ADAMTS3: variants seen among roughly 807,000 people sequenced by gnomAD.
ADAMTS3 encodes A disintegrin and metalloproteinase with thrombospondin motifs 3.
In ADAMTS3, 73 loss-of-function variants were observed where a neutral mutation model predicts 129.0. The observed-to-expected ratio is 0.57, with a 90% CI of 0.47 to 0.69. The LOEUF (loss-of-function observed/expected upper bound fraction) is 0.69, where lower values mean the gene tolerates loss of function less well. Ranked by LOEUF, ADAMTS3 falls within the 30% of genes least tolerant of loss-of-function variation. The pLI, the probability that ADAMTS3 is intolerant of heterozygous loss-of-function variation, is 0.00. For synonymous variants in ADAMTS3, 477 were observed against 510.8 expected, an observed-to-expected ratio of 0.93 and a Z score of 0.89; for missense variants, 1,457 against 1,514.5, an observed-to-expected ratio of 0.96 and a Z score of 0.63.
intron 18 of ADAMTS3, among the ~76,000 whole-genome samples, chr4:72,296,665 C>T (rs1291635030): frequency 6.6e-6 from 1 of 152,058 alleles, no homozygotes; most frequent in Non-Finnish European, 1.5e-5. Flanking sequence ...CTCCTAAATA[C>T]TTCAGCACAG....
chr4:72,564,529 T>C (rs1461471151), intron 2 of ADAMTS3, among the ~76,000 whole-genome samples: 10 of 152,224 alleles, frequency 6.6e-5, no homozygotes, highest in Non-Finnish European at 7.3e-5. Flanking sequence ...TATATGTATG[T>C]ATGGGTATAG....
chr4:72,466,355 T>A (rs374344888), intron 3 of ADAMTS3, among the ~76,000 whole-genome samples: 12 of 152,138 alleles, frequency 7.9e-5, no homozygotes, highest in African/African-American at 2.9e-4. Context: ...TATTCTTGAA[T>A]GGCAAGAAAG....
At position 72,548,794 on chromosome 4, in the gene ADAMTS3, G is replaced by A. The variant is rs145300703; in HGVS notation, c.188C>T (p.Ala63Val). 1.2e-5 allele frequency: 19 copies of A among 1,613,696 alleles called. No homozygotes were observed. The highest frequency in any genetic ancestry group is 8.0e-5 in the African/African-American group (6 of 74,878). Reference sequence around the variant, plus strand: ...CCTCGCTGACCTCTTTTTGTGACTCGCAGAAAGAGTATGGGAGAGATAGCG... The same window carrying A: ...CCTCGCTGACCTCTTTTTGTGACTCACAGAAAGAGTATGGGAGAGATAGCG... ...EGRYLSHTLS[A>V]SHKKRSARDV... Residue 63 changes from alanine (A) to valine (V), a missense_variant, in exon 3 of 22, where the codon GCG becomes GTG. By Grantham distance (64) the Ala-to-Val change is moderately conservative. Transcript: ENST00000286657.
chr4:72,316,045 G>T, intron 10 of ADAMTS3, 74 bp from the exon 11 acceptor site: 1 of 818,076 alleles, frequency 1.2e-6, no homozygotes, highest in Non-Finnish European at 1.9e-6. Context: ...ATTCTATACA[G>T]TTTCTTCTGT....
Position 72,283,000 on chromosome 4 carries a change from C to G in ADAMTS3, c.*136G>C. On this transcript the variant is annotated 3_prime_UTR_variant, in exon 22 of 22. Coordinates refer to ENST00000286657, the MANE Select transcript of ADAMTS3 (RefSeq NM_014243.3). ...AAAGCAACTAGAAAGTGAGCCAGCACTTTCTGTTCTTCCAATTACAGATAA... is the reference window on the plus strand; with the variant it reads ...AAAGCAACTAGAAAGTGAGCCAGCAGTTTCTGTTCTTCCAATTACAGATAA... The G allele has an allele frequency of 2.7e-6, 2 of 727,988 alleles. No individual in the cohort carries two copies. The highest frequency in any genetic ancestry group is 4.4e-6 in the Non-Finnish European group (2 of 453,584). 45.1% of individuals were successfully genotyped at this position (727,988 alleles called of 1,614,324 possible).
rs1487705199 is a variant in ADAMTS3, at chr4:72,548,743, A to G, written c.239T>C (p.Leu80Ser). 1.2e-6 allele frequency: 2 copies of G among 1,613,882 alleles called. No homozygotes were observed. The highest frequency in any genetic ancestry group is 1.7e-6 in the Non-Finnish European group (2 of 1,179,936). The change falls in exon 3 of 22, where the codon TTG becomes TCG. Residue 80 changes from leucine (L) to serine (S), a missense_variant. Coordinates refer to ENST00000286657, the MANE Select transcript of ADAMTS3 (RefSeq NM_014243.3). ...ARDVSSNPEQLFFNITAFGKD... is the reference protein window; with the variant it reads ...ARDVSSNPEQSFFNITAFGKD... ...TCCAAATGCCGTGATGTTAAAGAAC[A>G]ACTGCTCAGGGTTGGAAGACACGTC...
intron 5 of ADAMTS3, among the ~76,000 whole-genome samples, chr4:72,336,341 T>C (rs1056437383): frequency 6.6e-6 from 1 of 152,198 alleles, no homozygotes; most frequent in Non-Finnish European, 1.5e-5. Flanking sequence ...TGGTGAGCCA[T>C]AATTTTAGAT....
chr4:72,309,205 G>T (rs1346002723), intron 15 of ADAMTS3, among the ~76,000 whole-genome samples, 192 bp downstream of exon 15: 1 of 151,150 alleles, frequency 6.6e-6, no homozygotes, highest in Non-Finnish European at 1.5e-5. Flanking sequence ...ATTGACGCTA[G>T]GGAGTATGAA....
chr4:72,455,795 T>C (rs1315908021), intron 3 of ADAMTS3, among the ~76,000 whole-genome samples: 4 of 125,102 alleles, frequency 3.2e-5, no homozygotes, highest in African/African-American at 1.3e-4. Context: ...TATATATATA[T>C]ATATTTTGTG....
At chr4:72,530,751 AT>A (rs1193884773) in intron 3 of ADAMTS3, among the ~76,000 whole-genome samples, 5 of 32,012 alleles carry the variant, frequency 1.6e-4, no homozygotes, top group East Asian at 2.7e-3. Context: ...TATATTATAT[AT>A]TATATATTAT....
Position 72,304,035 on chromosome 4 carries a change from C to A in ADAMTS3, c.2306G>T (p.Gly769Val). The A allele has an allele frequency of 6.2e-7, 1 of 1,613,688 alleles. No individual in the cohort carries two copies. The highest frequency in any genetic ancestry group is 8.5e-7 in the Non-Finnish European group (1 of 1,179,708). ...ATGHYILNGK[G>V]EEAKSRTFID... ...GAAGGTCCGCGACTTGGCTTCCTCC[C>A]CTTTGCCATTTAAAATATAATGGCC... The change falls in exon 17 of 22, where the codon GGG becomes GTG. Residue 769 changes from glycine (G) to valine (V), a missense_variant. By Grantham distance (109) the Gly-to-Val change is moderately radical. Coordinates refer to ENST00000286657, the MANE Select transcript of ADAMTS3 (RefSeq NM_014243.3).
intron 16 of ADAMTS3, among the ~76,000 whole-genome samples, chr4:72,305,529 T>A (rs1719060797): frequency 6.6e-6 from 1 of 152,034 alleles, no homozygotes; most frequent in African/African-American, 2.4e-5. Context: ...GAGCAAAAAG[T>A]GTATAAGAAA....
intron 4 of ADAMTS3, among the ~76,000 whole-genome samples, chr4:72,382,363 G>GTCATGGATATAATTATGT: frequency 3.3e-5 from 5 of 151,696 alleles, no homozygotes; most frequent in African/African-American, 9.7e-5. Flanking sequence ...CTACATAGTA[G>GTCATGGATATAATTATGT]CTCCTCCCAT....
chr4:72,336,817 T>G (rs1288243593), intron 5 of ADAMTS3, among the ~76,000 whole-genome samples: 1 of 152,118 alleles, frequency 6.6e-6, no homozygotes, highest in Non-Finnish European at 1.5e-5. Context: ...ATCCCAGGCC[T>G]CTGTCGCTAT....
chr4:72,530,531 TAATA>T (rs1720990568), intron 3 of ADAMTS3, among the ~76,000 whole-genome samples: 1 of 87,286 alleles, frequency 1.1e-5, no homozygotes. Flanking sequence ...TATATTAATT[TAATA>T]TATATTAATT....
chr4:72,375,488 G>T (rs1721113665), intron 4 of ADAMTS3, among the ~76,000 whole-genome samples: 1 of 152,170 alleles, frequency 6.6e-6, no homozygotes, highest in African/African-American at 2.4e-5. Context: ...ATGATTACAA[G>T]CTGTGATGAG....
At chr4:72,307,485 C>A (rs983547463) in intron 15 of ADAMTS3, among the ~76,000 whole-genome samples, 3 of 151,984 alleles carry the variant, frequency 2.0e-5, no homozygotes, top group African/African-American at 4.8e-5. Context: ...AGTGAAAGCG[C>A]CTCTTGTCTT....
At chr4:72,364,351 A>G (rs1356568049) in intron 4 of ADAMTS3, among the ~76,000 whole-genome samples, 1 of 152,230 alleles carries the variant, frequency 6.6e-6, no homozygotes, top group Non-Finnish European at 1.5e-5. Context: ...GCAGTGGCTC[A>G]CGCCTGTAAT....
chr4:72,417,048 G>A (rs1722324141), intron 3 of ADAMTS3, among the ~76,000 whole-genome samples: 1 of 152,180 alleles, frequency 6.6e-6, no homozygotes. Flanking sequence ...GCATCAGCAT[G>A]GGAGTTTCAG....
Sources: allele counts gnomAD v4.1 joint callset (sites outside exome capture counted in the v4.1 genomes callset), GRCh38; gene constraint gnomAD v4.1.1; transcripts MANE v1.5; gene names NCBI Gene and HGNC (gene_info 2026-07-23, HGNC 2026-07-21).